Variants in MYO3A observed in about 807,000 individuals in gnomAD.
The protein encoded by MYO3A is myosin IIIA, also known as myosin-IIIa.
MYO3A carries 180 observed loss-of-function variants against 192.7 expected under a neutral mutation model. The ratio of observed to expected loss-of-function variants is 0.93; its 90% CI spans 0.83 to 1.06. MYO3A has a LOEUF of 1.06. Among genes scored for constraint, MYO3A ranks in the 50% least tolerant of loss-of-function variants. The pLI is 0.00. For synonymous variants in MYO3A, 628 were observed against 645.3 expected, an observed-to-expected ratio of 0.97 and a Z score of 0.41; for missense variants, 1,896 against 1,905.0, an observed-to-expected ratio of 1.00 and a Z score of 0.09.
chr10:26,096,028 C>T (rs892004634), intron 15 of MYO3A, among the ~76,000 whole-genome samples: 5 of 152,122 alleles, frequency 3.3e-5, no homozygotes, highest in Non-Finnish European at 7.4e-5. Context: ...ACTGGCATGG[C>T]TGTATACATT....
intron 10 of MYO3A, among the ~76,000 whole-genome samples, chr10:26,043,188 T>TCTCTCTCTCTCTCTCTC (rs1554811387): frequency 1.3e-5 from 2 of 151,128 alleles, no homozygotes; most frequent in African/African-American, 4.9e-5. Flanking sequence ...TCTCTCTCTG[T>TCTCTCTCTCTCTCTCTC]TCTGAGCTAG....
At chr10:26,127,131 G>A (rs1301891739) in intron 19 of MYO3A, among the ~76,000 whole-genome samples, 3 of 151,982 alleles carry the variant, frequency 2.0e-5, no homozygotes, top group Non-Finnish European at 4.4e-5. Context: ...TTTTAAGAAC[G>A]TCTTGAAAAC....
intron 4 of MYO3A, among the ~76,000 whole-genome samples, chr10:25,968,070 G>A (rs1430060982): frequency 6.6e-6 from 1 of 151,740 alleles, no homozygotes; most frequent in Non-Finnish European, 1.5e-5. Context: ...CTAAGAAGCT[G>A]AAGAAGGTCA....
At chr10:25,987,259 T>A (rs1169745968) in intron 4 of MYO3A, among the ~76,000 whole-genome samples, 1 of 152,178 alleles carries the variant, frequency 6.6e-6, no homozygotes, top group Non-Finnish European at 1.5e-5. Flanking sequence ...ATAAAGATTC[T>A]AGAAAATAAT....
At chr10:26,158,489 T>C (rs1447253434) in intron 26 of MYO3A, among the ~76,000 whole-genome samples, 1 of 152,094 alleles carries the variant, frequency 6.6e-6, no homozygotes, top group Non-Finnish European at 1.5e-5. Context: ...TCTTCTGACC[T>C]TGTGATCCAC....
intron 14 of MYO3A, among the ~76,000 whole-genome samples, chr10:26,081,124 A>G (rs1180528531): frequency 1.7e-5 from 2 of 116,918 alleles, no homozygotes; most frequent in East Asian, 2.3e-4. Context: ...TCCCAAGATT[A>G]TATGCCCTTC....
chr10:25,973,454 A>G lies in MYO3A; in HGVS notation c.303+18446A>G, dbSNP rs190894456. 1.4e-4 allele frequency among the ~76,000 whole-genome samples: 22 copies of G among 152,218 alleles called. No individual in the cohort carries two copies. The East Asian group carries it at 3.7e-3, about 25-fold the overall frequency. ...AGACAATTTGACTTTCTCTCTTCCT[A>G]TTCAAATACCCTTTATTTCTTTCTC... On this transcript the variant is annotated intron_variant, in intron 4 of 34. Transcript: ENST00000642920.
At chr10:26,103,821 G>C (rs959548393) in intron 17 of MYO3A, among the ~76,000 whole-genome samples, 1 of 152,114 alleles carries the variant, frequency 6.6e-6, no homozygotes, top group Non-Finnish European at 1.5e-5. Flanking sequence ...CTGTCTGAAG[G>C]TTCCAATTTC....
intron 4 of MYO3A, among the ~76,000 whole-genome samples, chr10:25,977,360 C>T (rs1339819677): frequency 6.6e-6 from 1 of 152,080 alleles, no homozygotes; most frequent in African/African-American, 2.4e-5. Flanking sequence ...GAAATAAATT[C>T]CTTGTATGAA....
At chr10:26,171,529 T>C (rs915197416) in intron 29 of MYO3A, among the ~76,000 whole-genome samples, 5 of 152,224 alleles carry the variant, frequency 3.3e-5, no homozygotes, top group African/African-American at 1.2e-4. Flanking sequence ...CAGGCCAACC[T>C]CATTTCCTTA....
chr10:26,013,389 TAATATCCTG>T (rs1841795508), intron 6 of MYO3A, among the ~76,000 whole-genome samples: 1 of 152,010 alleles, frequency 6.6e-6, no homozygotes, highest in African/African-American at 2.4e-5. Flanking sequence ...AACAAAGGAT[TAATATCCTG>T]AATCTACAAG....
chr10:26,118,775 G>A (rs1385463834), intron 17 of MYO3A, among the ~76,000 whole-genome samples: 1 of 151,966 alleles, frequency 6.6e-6, no homozygotes, highest in African/African-American at 2.4e-5. Context: ...GGGATTACAG[G>A]TGCACACCAC....
rs756867094 is a variant in MYO3A at position 26,125,590 on chromosome 10, A to G, written c.2096A>G (p.Lys699Arg). The change falls in exon 19 of 35, where the codon AAG becomes AGG. Residue 699 changes from lysine to arginine, a missense_variant. Lys to Arg is a conservative substitution (Grantham distance 26). Coordinates refer to ENST00000642920, the MANE Select transcript of MYO3A (RefSeq NM_017433.5). Reference protein sequence around the residue: ...WIVNCINSLLKHDSSPSGNGD... With the variant: ...WIVNCINSLLRHDSSPSGNGD... ...GTCAATTGCATTAACAGTTTGTTGA[A>G]GCATGACTCATCACCAAGGTAAAAA... The G allele has an allele frequency of 1.9e-6, 3 of 1,613,878 alleles. No individual in the cohort carries two copies. In the East Asian group the frequency reaches 6.7e-5, roughly 36 times the overall value.
chr10:26,175,075 A>G (rs1230986272), intron 30 of MYO3A, among the ~76,000 whole-genome samples: 1 of 152,198 alleles, frequency 6.6e-6, no homozygotes, highest in Middle Eastern at 3.2e-3. Flanking sequence ...AATCACAAAG[A>G]AAAAACGCAG....
At chr10:26,193,942 T>C (rs1843275789) in intron 32 of MYO3A, among the ~76,000 whole-genome samples, 1 of 152,142 alleles carries the variant, frequency 6.6e-6, no homozygotes, top group Non-Finnish European at 1.5e-5. Context: ...CGCCTGGCCT[T>C]CTTCTCATGT....
At chr10:26,193,432 G>T (rs1843251674) in intron 32 of MYO3A, 121 bp downstream of exon 32, 4 of 806,558 alleles carry the variant, frequency 5.0e-6, no homozygotes, top group African/African-American at 1.7e-5. Context: ...GATGCGCTTG[G>T]TCTCCTCTTC....
chr10:25,957,455 G>A (rs996811299), intron 4 of MYO3A, among the ~76,000 whole-genome samples: 4 of 152,204 alleles, frequency 2.6e-5, no homozygotes, highest in Middle Eastern at 3.4e-3. Context: ...GTCCAGTCTC[G>A]TGTATGTCTT....
intron 10 of MYO3A, among the ~76,000 whole-genome samples, chr10:26,029,955 G>T (rs571558508): frequency 3.7e-4 from 57 of 152,008 alleles, no homozygotes; most frequent in African/African-American, 1.1e-3. Flanking sequence ...ATTCCCCAGG[G>T]CCCATTGTGA....
intron 10 of MYO3A, among the ~76,000 whole-genome samples, chr10:26,053,292 T>C (rs560253870): frequency 4.3e-4 from 66 of 152,300 alleles, no homozygotes; most frequent in Middle Eastern, 3.4e-3. Context: ...AAAATAAAAA[T>C]ACGTTTTCTT....
Sources: gnomAD v4.1 joint callset for allele counts (sites outside exome capture counted in the v4.1 genomes callset) on GRCh38, gnomAD v4.1.1 for gene constraint, MANE v1.5 for transcripts, NCBI Gene and HGNC (gene_info 2026-07-23, HGNC 2026-07-21) for gene names.